Variants in CTNNA1 observed in about 807,000 individuals in gnomAD.
CTNNA1 encodes catenin alpha 1, also known as catenin alpha-1.
CTNNA1 carries 37 observed loss-of-function variants against 98.4 expected under a neutral mutation model. The observed-to-expected ratio is 0.38, with a 90% CI of 0.29 to 0.49. The LOEUF (loss-of-function observed/expected upper bound fraction) is 0.49, where lower values mean the gene tolerates loss of function less well. Among genes scored for constraint, CTNNA1 ranks in the 20% least tolerant of loss-of-function variants. The pLI is 0.95. For synonymous variants in CTNNA1, 404 were observed against 413.2 expected (o/e 0.98, Z 0.27); for missense variants, 761 against 1,147.2 (o/e 0.66, Z 4.86).
chr5:138,753,812 C>G (rs979990631), intron 1 of CTNNA1: 1 of 231,984 alleles, frequency 4.3e-6, no homozygotes, highest in Non-Finnish European at 8.3e-6. Flanking sequence ...AGGCCCAGCG[C>G]CGCCGCCGCG....
At chr5:138,766,171 C>G (rs1239772614) in intron 1 of CTNNA1, among the ~76,000 whole-genome samples, 1 of 152,048 alleles carries the variant, frequency 6.6e-6, no homozygotes, top group Non-Finnish European at 1.5e-5. Context: ...TGCTATGTGA[C>G]AAGTGCTGGG....
intron 1 of CTNNA1, among the ~76,000 whole-genome samples, chr5:138,761,643 C>T (rs1309007586): frequency 1.3e-5 from 2 of 152,022 alleles, no homozygotes; most frequent in Admixed American, 6.6e-5. Flanking sequence ...GTGAGTTTGG[C>T]CTTCTATATG....
intron 7 of CTNNA1, among the ~76,000 whole-genome samples, chr5:138,849,709 A>G (rs1763023702): frequency 6.6e-6 from 1 of 152,216 alleles, no homozygotes; most frequent in African/African-American, 2.4e-5. Context: ...TCAGAAAACT[A>G]AAGAGTAATA....
At chr5:138,856,201 T>A (rs1763707216) in intron 7 of CTNNA1, among the ~76,000 whole-genome samples, 1 of 152,222 alleles carries the variant, frequency 6.6e-6, no homozygotes, top group Admixed American at 6.5e-5. Flanking sequence ...CTGCTGAGAT[T>A]TCCAACAGTG....
At chr5:138,811,074 C>G (rs1187077154) in intron 4 of CTNNA1, among the ~76,000 whole-genome samples, 1 of 152,170 alleles carries the variant, frequency 6.6e-6, no homozygotes, top group South Asian at 2.1e-4. Flanking sequence ...CTCCTCACTT[C>G]CCAGACGGTG....
chr5:138,880,451 T>C (rs1211968806), intron 7 of CTNNA1, among the ~76,000 whole-genome samples: 1 of 152,192 alleles, frequency 6.6e-6, no homozygotes, highest in Non-Finnish European at 1.5e-5. Context: ...TCTTGAAGTA[T>C]TGATTAAAGC....
intron 7 of CTNNA1, among the ~76,000 whole-genome samples, chr5:138,834,517 T>C (rs1561575588): frequency 6.6e-6 from 1 of 152,164 alleles, no homozygotes; most frequent in Non-Finnish European, 1.5e-5. Context: ...AAAATACATA[T>C]ACACACAGGT....
intron 7 of CTNNA1, among the ~76,000 whole-genome samples, chr5:138,839,726 C>T (rs1762113931): frequency 6.6e-6 from 1 of 152,190 alleles, no homozygotes; most frequent in East Asian, 1.9e-4. Flanking sequence ...TCTTTAGTTA[C>T]ATTCAGTGGG....
intron 9 of CTNNA1, among the ~76,000 whole-genome samples, chr5:138,899,388 C>A (rs1016104959): frequency 1.3e-5 from 2 of 152,158 alleles, no homozygotes; most frequent in Non-Finnish European, 2.9e-5. Context: ...GTTTTCTGAA[C>A]CATATACATA....
chr5:138,813,546 G>T (rs1179373982), intron 5 of CTNNA1, among the ~76,000 whole-genome samples: 1 of 152,224 alleles, frequency 6.6e-6, no homozygotes, highest in Admixed American at 6.5e-5. Context: ...AGTGGGAGTA[G>T]GGAATGGATT....
intron 2 of CTNNA1, chr5:138,782,465 A>G (rs1755228186): frequency 3.2e-6 from 1 of 316,400 alleles, no homozygotes; most frequent in South Asian, 2.6e-5. Context: ...AGGGTAGTTC[A>G]TAAACTGTTA....
At chr5:138,926,030 G>GCC (rs1561760641) in intron 13 of CTNNA1, among the ~76,000 whole-genome samples, 1 of 152,164 alleles carries the variant, frequency 6.6e-6, no homozygotes, top group Non-Finnish European at 1.5e-5. Flanking sequence ...GAATCATCCA[G>GCC]CCCCTGGGCC....
intron 11 of CTNNA1, among the ~76,000 whole-genome samples, chr5:138,924,280 T>TTA (rs1328225689): frequency 1.0e-4 from 14 of 133,646 alleles, no homozygotes; most frequent in African/African-American, 3.2e-4. Flanking sequence ...TTTTTATTTT[T>TTA]TGTTTTTTTT....
At chr5:138,861,413 G>A (rs1220981165) in intron 7 of CTNNA1, among the ~76,000 whole-genome samples, 1 of 152,062 alleles carries the variant, frequency 6.6e-6, no homozygotes, top group Non-Finnish European at 1.5e-5. Flanking sequence ...TTTCTATTTG[G>A]ATCAAAAACT....
At chr5:138,933,456 C>CTT (rs1765849452) in intron 17 of CTNNA1, among the ~76,000 whole-genome samples, 3 of 152,198 alleles carry the variant, frequency 2.0e-5, no homozygotes, top group Admixed American at 2.0e-4. Flanking sequence ...ACATCCCTGT[C>CTT]TCGATTCCTG....
intron 6 of CTNNA1, among the ~76,000 whole-genome samples, chr5:138,825,385 G>T (rs982824728): frequency 6.6e-6 from 1 of 151,074 alleles, no homozygotes; most frequent in Non-Finnish European, 1.5e-5. Flanking sequence ...GGTCTGTCCT[G>T]TGTACACAAC....
At chr5:138,754,570 A>G (rs544845455) in intron 1 of CTNNA1, 6 of 152,282 alleles carry the variant, frequency 3.9e-5, no homozygotes, top group Admixed American at 3.9e-4. Context: ...CAGGATAGGC[A>G]TTTTGTGGAG....
At chr5:138,767,726 C>T (rs778715651) in intron 1 of CTNNA1, among the ~76,000 whole-genome samples, 4 of 152,138 alleles carry the variant, frequency 2.6e-5, no homozygotes, top group Non-Finnish European at 4.4e-5. Context: ...CTCAATTACT[C>T]GATAGAAACT....
In CTNNA1 at chr5:138,874,759, G is replaced by T; in HGVS notation, c.1063-11453G>T. 2 of 782,330 alleles carry T rather than the reference G, an allele frequency of 2.6e-6. No homozygotes were observed. Among genetic ancestry groups the T allele is most frequent in the Non-Finnish European group, 4.1e-6 (2 of 487,378 alleles). The allele number at this position is 782,330 out of a possible 1,614,324, so 48.5% of individuals were successfully genotyped here. On this transcript the variant is annotated intron_variant, in intron 7 of 17. Coordinates refer to ENST00000302763, the MANE Select transcript of CTNNA1 (RefSeq NM_001903.5). The surrounding 1 kb of genome is among the most constrained non-coding windows in gnomAD (Gnocchi z 4.1). ...GCCATTTAAAAAGAAGATAAAACATGTCTCTGTCATCATCGATATATGCTT... is the reference window on the plus strand; with the variant it reads ...GCCATTTAAAAAGAAGATAAAACATTTCTCTGTCATCATCGATATATGCTT...
Sources: gnomAD v4.1 joint callset for allele counts (sites outside exome capture counted in the v4.1 genomes callset) on GRCh38, gnomAD v4.1.1 for gene constraint, Gnocchi (gnomAD v3.1) non-coding constraint, MANE v1.5 for transcripts, NCBI Gene and HGNC (gene_info 2026-07-23, HGNC 2026-07-21) for gene names.